The following SYT6 variants were observed in gnomAD, a reference collection of about 807,000 sequenced individuals.
SYT6 encodes synaptotagmin-6.
In SYT6, 24 loss-of-function variants were observed where a neutral mutation model predicts 38.4. The observed-to-expected ratio is 0.62, with a 90% CI of 0.45 to 0.88. SYT6 has a LOEUF of 0.88. SYT6 is among the 40% of genes least tolerant of loss of function. SYT6 has a pLI of 0.00. For synonymous variants in SYT6, 265 were observed against 241.9 expected, an observed-to-expected ratio of 1.10 and a Z score of -0.89; for missense variants, 611 against 621.0, an observed-to-expected ratio of 0.98 and a Z score of 0.17.
chr1:114,117,618 C>G (rs1677077942), intron 3 of SYT6, among the ~76,000 whole-genome samples: 1 of 152,206 alleles, frequency 6.6e-6, no homozygotes, highest in Non-Finnish European at 1.5e-5. Flanking sequence ...TCCCTCCCAG[C>G]CCTGGGCTTC....
chr1:114,108,769 C>A (rs142195791), intron 3 of SYT6, among the ~76,000 whole-genome samples: 2 of 152,202 alleles, frequency 1.3e-5, no homozygotes, highest in Admixed American at 6.5e-5. Flanking sequence ...GAATAAGCAG[C>A]GAGTGGCGTC....
At chr1:114,103,752 G>T in intron 3 of SYT6, 31 bp from the exon 4 acceptor site, 1 of 1,604,914 alleles carries the variant, frequency 6.2e-7, no homozygotes, top group Non-Finnish European at 8.5e-7. Context: ...GGGCAGATGA[G>T]GGGCTTGCAG....
At chr1:114,097,965 C>T (rs760579184) in intron 5 of SYT6, 88 bp from the exon 6 acceptor site, 35 of 1,477,106 alleles carry the variant, frequency 2.4e-5, no homozygotes, top group Middle Eastern at 1.9e-4. Context: ...GGACTCTGCC[C>T]GATGGGTCTA....
chr1:114,100,009 G>A (rs12239899), intron 4 of SYT6, among the ~76,000 whole-genome samples: 3,240 of 152,172 alleles, frequency 0.021, 149 homozygotes, highest in African/African-American at 0.074. Flanking sequence ...CTTTCTCAGT[G>A]GGATCTTGGA....
chr1:114,142,285 A>T (rs1165990158), intron 1 of SYT6, among the ~76,000 whole-genome samples: 1 of 152,240 alleles, frequency 6.6e-6, no homozygotes, highest in Admixed American at 6.5e-5. Flanking sequence ...AAAGAAGTTG[A>T]TTCCAAACAT....
chr1:114,137,217 G>T (rs757441469), intron 3 of SYT6, among the ~76,000 whole-genome samples: 1 of 152,216 alleles, frequency 6.6e-6, no homozygotes, highest in African/African-American at 2.4e-5. Flanking sequence ...ATGCACATCA[G>T]TACTCTCAGT....
At chr1:114,132,711 T>C (rs1678226606) in intron 3 of SYT6, among the ~76,000 whole-genome samples, 1 of 152,064 alleles carries the variant, frequency 6.6e-6, no homozygotes, top group Non-Finnish European at 1.5e-5. Flanking sequence ...CTGGGAGTGG[T>C]ACAGAAGTGA....
chr1:114,124,404 A>T (rs1181692565), intron 3 of SYT6, among the ~76,000 whole-genome samples: 1 of 152,138 alleles, frequency 6.6e-6, no homozygotes, highest in Non-Finnish European at 1.5e-5. Flanking sequence ...AGGCAATTTA[A>T]AGAGGGACGT....
Position 114,137,953 on chromosome 1 carries a change from C to CAATGCTGGTGGGCTGCTCT in SYT6, c.594_612dup (p.Gly205ArgfsTer12). 1 of 1,614,048 alleles carries CAATGCTGGTGGGCTGCTCT rather than the reference C, an allele frequency of 6.2e-7. No homozygotes were observed. Among genetic ancestry groups the CAATGCTGGTGGGCTGCTCT allele is most frequent in the Non-Finnish European group, 8.5e-7 (1 of 1,180,020 alleles). On this transcript the variant is annotated frameshift_variant, in exon 3 of 8. Transcript: ENST00000610222. LOFTEE classifies it high-confidence loss of function. ...TTGTAGAGCTCAGGCTTGATGCGGCCAATGCTGGTGGGCTGCTCTGCTGCT... is the reference window on the plus strand; with the variant it reads ...TTGTAGAGCTCAGGCTTGATGCGGCCAATGCTGGTGGGCTGCTCTAATGCTGGTGGGCTGCTCTGCTGCT...
At chr1:114,127,100 T>A (rs1677788273) in intron 3 of SYT6, among the ~76,000 whole-genome samples, 1 of 152,224 alleles carries the variant, frequency 6.6e-6, no homozygotes, top group Non-Finnish European at 1.5e-5. Flanking sequence ...GTCAGAGCCC[T>A]GTCTGGACCA....
chr1:114,152,964 G>T (rs891545609), intron 1 of SYT6: 3 of 152,252 alleles, frequency 2.0e-5, no homozygotes, highest in African/African-American at 7.2e-5. Context: ...AGGGGCGAGA[G>T]GGGGTGGGGG....
intron 3 of SYT6, among the ~76,000 whole-genome samples, chr1:114,121,436 G>T (rs1386166824): frequency 6.6e-6 from 1 of 152,146 alleles, no homozygotes; most frequent in Non-Finnish European, 1.5e-5. Context: ...ACCCCTCACA[G>T]CCTCCATGGT....
chr1:114,093,443 C>T (rs1049919061), intron 7 of SYT6, among the ~76,000 whole-genome samples: 9 of 152,156 alleles, frequency 5.9e-5, no homozygotes, highest in Admixed American at 4.6e-4. Flanking sequence ...CCGATGACCA[C>T]CATTATGTGA....
intron 7 of SYT6, 93 bp downstream of exon 7, chr1:114,093,642 T>C: frequency 8.1e-7 from 1 of 1,237,824 alleles, no homozygotes. Context: ...CACTCCATCC[T>C]GCTGCTATCT....
chr1:114,108,386 G>C (rs570421536), intron 3 of SYT6, among the ~76,000 whole-genome samples: 1 of 152,306 alleles, frequency 6.6e-6, no homozygotes, highest in African/African-American at 2.4e-5. Context: ...GATCCTATTT[G>C]TGGGCTGCCC....
chr1:114,092,311 A>ACTCTCT (rs35257020), intron 7 of SYT6, among the ~76,000 whole-genome samples: 353 of 133,468 alleles, frequency 2.6e-3, no homozygotes, highest in African/African-American at 6.9e-3. Flanking sequence ...AGCTTTCTTA[A>ACTCTCT]CTCTCTCTCT....
At chr1:114,108,099 G>T (rs373775234) in intron 3 of SYT6, among the ~76,000 whole-genome samples, 1 of 152,304 alleles carries the variant, frequency 6.6e-6, no homozygotes, top group East Asian at 1.9e-4. Flanking sequence ...GTGCTTGCAG[G>T]AGGTGGACCT....
At chr1:114,107,901 G>A (rs1424722878) in intron 3 of SYT6, among the ~76,000 whole-genome samples, 1 of 152,194 alleles carries the variant, frequency 6.6e-6, no homozygotes, top group Non-Finnish European at 1.5e-5. Context: ...GCACATTATT[G>A]CTTTCATCTT....
At chr1:114,119,508 T>C (rs1420309433) in intron 3 of SYT6, among the ~76,000 whole-genome samples, 4 of 152,262 alleles carry the variant, frequency 2.6e-5, no homozygotes, top group Non-Finnish European at 4.4e-5. Context: ...AATTCTCTTC[T>C]TTAATCCTCA....
Sources: gnomAD v4.1 joint callset for allele counts (sites outside exome capture counted in the v4.1 genomes callset) on GRCh38, gnomAD v4.1.1 for gene constraint, MANE v1.5 for transcripts, NCBI Gene and HGNC (gene_info 2026-07-23, HGNC 2026-07-21) for gene names.